The following CATSPERE variants were observed in gnomAD, a reference collection of about 807,000 sequenced individuals.
CATSPERE encodes the protein cation channel sperm-associated auxiliary subunit epsilon.
CATSPERE carries 93 observed loss-of-function variants against 114.1 expected under a neutral mutation model. The ratio of observed to expected loss-of-function variants is 0.81; its 90% CI spans 0.69 to 0.97. CATSPERE has a LOEUF of 0.97. CATSPERE is among the 50% of genes least tolerant of loss of function. CATSPERE has a pLI of 0.00. For missense variants in CATSPERE, 1,058 were observed against 1,131.6 expected (o/e 0.93, Z 0.93); for synonymous variants, 341 against 384.1 (o/e 0.89, Z 1.31).
At chr1:244,532,408 T>C (rs1679757308) in intron 8 of CATSPERE, among the ~76,000 whole-genome samples, 1 of 152,172 alleles carries the variant, frequency 6.6e-6, no homozygotes, top group Non-Finnish European at 1.5e-5. Flanking sequence ...AGGTTGTTTA[T>C]TTGATGTTTT....
At chr1:244,499,398 C>T (rs1270338393) in intron 7 of CATSPERE, among the ~76,000 whole-genome samples, 1 of 151,994 alleles carries the variant, frequency 6.6e-6, no homozygotes, top group Admixed American at 6.6e-5. Flanking sequence ...CATAGGTATA[C>T]ATGTGCCATG....
At position 244,548,378 on chromosome 1, in the gene CATSPERE, G is replaced by C. The variant is rs755524626; in HGVS notation, c.537-3944G>C. 1.4e-3 allele frequency among the ~76,000 whole-genome samples: 211 copies of C among 152,332 alleles called. 1 individual carries two copies. Among genetic ancestry groups the C allele is most frequent in the Non-Finnish European group, 2.2e-3 (149 of 68,028 alleles). On this transcript the variant is annotated intron_variant, in intron 8 of 21. Transcript: ENST00000366534. ...CTGAGTACCCAGTCTGCCAGCAGCA[G>C]ATATGAACAGTGGACCCCCAATATG...
intron 19 of CATSPERE, among the ~76,000 whole-genome samples, chr1:244,614,789 ATCT>A (rs1321298725): frequency 6.6e-5 from 10 of 152,032 alleles, no homozygotes; most frequent in Non-Finnish European, 1.5e-5. Context: ...TCTCCTCCTC[ATCT>A]TTTTTCTTAT....
chr1:244,557,538 T>C (rs1661791489), intron 9 of CATSPERE, among the ~76,000 whole-genome samples: 1 of 25,610 alleles, frequency 3.9e-5, no homozygotes, highest in Admixed American at 3.8e-4. Flanking sequence ...TATTCATATA[T>C]ATATATATAT....
intron 2 of CATSPERE, among the ~76,000 whole-genome samples, chr1:244,469,420 CT>C (rs902949265): frequency 7.2e-5 from 11 of 152,150 alleles, no homozygotes; most frequent in African/African-American, 2.7e-4. Context: ...CACCCACTTT[CT>C]TCCCTTCTGA....
intron 20 of CATSPERE, among the ~76,000 whole-genome samples, chr1:244,634,263 T>TA (rs1674345426): frequency 6.6e-6 from 1 of 152,186 alleles, no homozygotes; most frequent in Non-Finnish European, 1.5e-5. Context: ...TTGGTTTGAA[T>TA]CCCAGTTTTG....
chr1:244,623,000 TC>T (rs1315190287), intron 20 of CATSPERE, among the ~76,000 whole-genome samples: 4 of 152,188 alleles, frequency 2.6e-5, no homozygotes. Context: ...GCCTTAAAAG[TC>T]CATGCTACTA....
rs1352146319 is a variant in CATSPERE, at chr1:244,583,959, G to A, written c.2085+20G>A. Reference sequence around the variant, plus strand: ...CAAAAGGTAAGCGACATGGGCTGAAGACCCAAATATTTCACTTCAAGAATG... The same window carrying A: ...CAAAAGGTAAGCGACATGGGCTGAAAACCCAAATATTTCACTTCAAGAATG... On this transcript the variant is annotated intron_variant, in intron 13 of 21. Coordinates refer to ENST00000366534, the MANE Select transcript of CATSPERE (RefSeq NM_001130957.2). 1 of 1,608,370 alleles carries A rather than the reference G, an allele frequency of 6.2e-7. No individual in the cohort carries two copies. The highest frequency in any genetic ancestry group is 1.7e-5 in the Admixed American group (1 of 59,904).
upstream of CATSPERE, chr1:244,451,591 G>A: frequency 2.6e-6 from 4 of 1,562,774 alleles, no homozygotes; most frequent in East Asian, 2.3e-5. The surrounding 1 kb of genome is among the most constrained non-coding windows in gnomAD (Gnocchi z 6.6). Context: ...CAGGCAGCCC[G>A]AGCTCCCGGG....
intron 2 of CATSPERE, among the ~76,000 whole-genome samples, chr1:244,464,811 C>A (rs1386111369): frequency 1.3e-5 from 2 of 152,082 alleles, no homozygotes; most frequent in African/African-American, 4.8e-5. Context: ...CCTGTTCATA[C>A]CCTTTGCCTA....
At chr1:244,470,322 A>G (rs1572243666) in intron 2 of CATSPERE, among the ~76,000 whole-genome samples, 1 of 152,212 alleles carries the variant, frequency 6.6e-6, no homozygotes, top group East Asian at 1.9e-4. Flanking sequence ...AAGAACTACT[A>G]TTGATATAAT....
At position 244,582,984 on chromosome 1, in the gene CATSPERE, T is replaced by C. The variant is rs779533360; in HGVS notation, c.2010-880T>C. On this transcript the variant is annotated intron_variant, in intron 12 of 21. Coordinates refer to ENST00000366534, the MANE Select transcript of CATSPERE (RefSeq NM_001130957.2). ...ATATATATATATATATATAAATCAG[T>C]GACAGAGACTGATCAGGAAGAGTAG... Among the ~76,000 whole-genome samples the C allele has an allele frequency of 9.5e-4, 51 of 53,490 alleles. 1 individual carries two copies. The highest frequency in any genetic ancestry group is 1.8e-3 in the Non-Finnish European group (41 of 22,556). 35.1% of individuals were successfully genotyped at this position (53,490 alleles called of 152,430 possible). A position where few individuals can be genotyped will look rare whatever the true frequency, so the allele number is the denominator to read the frequency against.
intron 8 of CATSPERE, among the ~76,000 whole-genome samples, chr1:244,521,728 A>G (rs895658563): frequency 1.3e-5 from 2 of 152,210 alleles, no homozygotes; most frequent in African/African-American, 4.8e-5. Flanking sequence ...TTCTACAACA[A>G]TTCAAAAGTT....
intron 11 of CATSPERE, among the ~76,000 whole-genome samples, chr1:244,578,843 T>TATACAC (rs756669283): frequency 2.1e-5 from 3 of 139,598 alleles, no homozygotes; most frequent in African/African-American, 8.4e-5. Flanking sequence ...TATATATATA[T>TATACAC]ACACACACAC....
In CATSPERE at chr1:244,573,818, A is replaced by G. The variant is rs1329899170; in HGVS notation, c.1950+1046A>G. Reference sequence around the variant, plus strand: ...CGGGACATGCATATGGGAATGGGAAAAATTCTTGCAGCCATCTTTGCAAAC... The same window carrying G: ...CGGGACATGCATATGGGAATGGGAAGAATTCTTGCAGCCATCTTTGCAAAC... On this transcript the variant is annotated intron_variant, in intron 11 of 21. Transcript: ENST00000366534. This position sits in a 1 kb window ranked among gnomAD's most constrained non-coding sequence, Gnocchi z 4.0. Among the ~76,000 whole-genome samples the G allele has an allele frequency of 2.0e-5, 3 of 152,244 alleles. No homozygotes were observed. Among genetic ancestry groups the G allele is most frequent in the Non-Finnish European group, 2.9e-5 (2 of 68,038 alleles).
chr1:244,472,619 T>C (rs1668676064), intron 2 of CATSPERE, among the ~76,000 whole-genome samples: 2 of 152,216 alleles, frequency 1.3e-5, no homozygotes, highest in East Asian at 3.8e-4. Flanking sequence ...GAGCCAATAT[T>C]GATACATCAT....
At chr1:244,453,539 C>T (rs1022270658), upstream of CATSPERE, among the ~76,000 whole-genome samples, 2 of 152,178 alleles carry the variant, frequency 1.3e-5, no homozygotes, top group African/African-American at 4.8e-5. Flanking sequence ...TTGTGGCTAC[C>T]TACTCGTGGT....
At chr1:244,583,999 C>G in intron 13 of CATSPERE, 60 bp downstream of exon 13, 1 of 1,346,396 alleles carries the variant, frequency 7.4e-7, no homozygotes, top group Non-Finnish European at 1.1e-6. Context: ...GGCGGTCAAC[C>G]AAATAATGCA....
At chr1:244,482,177 A>AATAATG (rs1190635744) in intron 5 of CATSPERE, among the ~76,000 whole-genome samples, 12 of 152,356 alleles carry the variant, frequency 7.9e-5, no homozygotes, top group African/African-American at 2.4e-4. Context: ...ATTAAAGAAT[A>AATAATG]ATAATGAGGC....
Sources: gnomAD v4.1 joint callset for allele counts (sites outside exome capture counted in the v4.1 genomes callset) on GRCh38, gnomAD v4.1.1 for gene constraint, Gnocchi (gnomAD v3.1) non-coding constraint, MANE v1.5 for transcripts, NCBI Gene and HGNC (gene_info 2026-07-23, HGNC 2026-07-21) for gene names.